Variants in C6orf52 observed in about 807,000 individuals in gnomAD.
C6orf52 encodes the protein chromosome 6 open reading frame 52, also known as putative uncharacterized protein C6orf52.
In C6orf52, 16 loss-of-function variants were observed where a neutral mutation model predicts 16.6. The observed-to-expected ratio is 0.96, with a 90% confidence interval of 0.65 to 1.46. The LOEUF (loss-of-function observed/expected upper bound fraction) is 1.46, where lower values mean the gene tolerates loss of function less well. Ranked by LOEUF, C6orf52 falls within the 40% of genes most tolerant of loss-of-function variation. C6orf52 has a pLI of 0.00. For synonymous variants in C6orf52, 53 were observed against 61.4 expected (o/e 0.86, Z 0.64); for missense variants, 166 against 182.3 (o/e 0.91, Z 0.52).
At chr6:10,678,181 C>CT (rs1160556873) in intron 4 of C6orf52, among the ~76,000 whole-genome samples, 3 of 95,560 alleles carry the variant, frequency 3.1e-5, no homozygotes, top group East Asian at 3.1e-4. Flanking sequence ...GTGAGACTGT[C>CT]TTAAAAAAAA....
chr6:10,671,649 T>C (rs2127457667), intron 4 of C6orf52, 51 bp from the exon 5 acceptor site: 2 of 1,214,056 alleles, frequency 1.6e-6, no homozygotes, highest in Non-Finnish European at 2.3e-6. Flanking sequence ...ACAGGACACA[T>C]ACTAGAAATA....
At chr6:10,676,447 C>A (rs1394624307) in intron 4 of C6orf52, among the ~76,000 whole-genome samples, 1 of 152,164 alleles carries the variant, frequency 6.6e-6, no homozygotes, top group Non-Finnish European at 1.5e-5. Flanking sequence ...CACAGACAAG[C>A]AAGCTAGAAG....
chr6:10,686,989 C>G lies in C6orf52; in HGVS notation c.247G>C (p.Ala83Pro). 6.5e-7 allele frequency: 1 copy of G among 1,549,766 alleles called. No individual in the cohort carries two copies. The highest frequency in any genetic ancestry group is 8.7e-7 in the Non-Finnish European group (1 of 1,146,136). ...FSAHETPEHT[A>P]GTLVMPKETT... is the part of the protein sequence containing the mutation. ...ACCTTAGGCATAACCAGAGTTCCAG[C>G]TGTGTGTTCAGGGGTCTCATGCGCA... Residue 83 changes from alanine to proline, a missense_variant, in exon 3 of 5, where the codon GCT becomes CCT. By Grantham distance (27) the Ala-to-Pro change is conservative (BLOSUM62 -1). Coordinates refer to ENST00000259983, the MANE Select transcript of C6orf52 (RefSeq NM_001145020.3).
At chr6:10,683,286 C>A in intron 3 of C6orf52, 54 bp from the exon 4 acceptor site, 1 of 1,118,316 alleles carries the variant, frequency 8.9e-7, no homozygotes, top group South Asian at 1.4e-5. Context: ...GGTTTAATAT[C>A]AATACATACT....
intron 3 of C6orf52, chr6:10,685,000 G>A (rs191229489): frequency 6.2e-6 from 5 of 803,146 alleles, no homozygotes; most frequent in Admixed American, 8.1e-5. Context: ...TCGGCCTGAG[G>A]GTGAGATAAA....
intron 4 of C6orf52, 32 bp downstream of exon 4, chr6:10,683,155 T>C: frequency 1.4e-6 from 2 of 1,472,840 alleles, no homozygotes; most frequent in Non-Finnish European, 9.2e-7. Context: ...GGGGTTTTGT[T>C]TCCAACCACT....
At chr6:10,694,848 G>A, upstream of C6orf52, 1 of 635,494 alleles carries the variant, frequency 1.6e-6, no homozygotes, top group East Asian at 2.6e-5. Context: ...GCGACTTAAA[G>A]GCAGCCCTGG....
Position 10,683,240 on chromosome 6 carries a change from A to C in C6orf52, c.271-8T>G. ...AGCTAGAGGTGTGGTTTCCTGCAAC[A>C]AAATATTATCTCATGAGAAAATAAT... On this transcript the variant is annotated splice_polypyrimidine_tract_variant and splice_region_variant and intron_variant, in intron 3 of 4. Transcript: ENST00000259983. The C allele has an allele frequency of 6.5e-7, 1 of 1,530,264 alleles. No homozygotes were observed. Among genetic ancestry groups the C allele is most frequent in the Non-Finnish European group, 8.9e-7 (1 of 1,129,308 alleles). 94.8% of individuals were successfully genotyped at this position (1,530,264 alleles called of 1,614,324 possible). A position where few individuals can be genotyped will look rare whatever the true frequency, so the allele number is the denominator to read the frequency against.
intron 3 of C6orf52, 44 bp downstream of exon 3, chr6:10,686,907 GTGATGTTTACTATTA>G: frequency 8.2e-7 from 1 of 1,226,312 alleles, no homozygotes; most frequent in South Asian, 1.5e-5. Flanking sequence ...AGATAGGAAA[GTGATGTTTACTATTA>G]TTGGGCACAC....
In C6orf52 at chr6:10,687,566, A is replaced by C. The variant is rs955189379; in HGVS notation, c.-11-5T>G. On this transcript the variant is annotated splice_polypyrimidine_tract_variant and splice_region_variant and intron_variant, in intron 1 of 4. Coordinates refer to ENST00000259983, the MANE Select transcript of C6orf52 (RefSeq NM_001145020.3). The stretch of plus-strand genomic sequence containing the variant: ...GTTGGGCCATTTACCCAGAAACTTT[A>C]CAAAAAGAGAGCAGAATCCAGTTTT... 4 of 1,535,156 alleles carry C rather than the reference A, an allele frequency of 2.6e-6. No individual in the cohort carries two copies. In the African/African-American group the frequency reaches 5.6e-5, roughly 21 times the overall value.
At chr6:10,692,598 A>G (rs562247008) in intron 1 of C6orf52, among the ~76,000 whole-genome samples, 1 of 151,864 alleles carries the variant, frequency 6.6e-6, no homozygotes, top group African/African-American at 2.4e-5. Context: ...CCACCACCAC[A>G]CCCAGCTAAT....
upstream of C6orf52, chr6:10,694,618 GC>G (rs1389232609): frequency 1.1e-5 from 2 of 190,054 alleles, no homozygotes; most frequent in African/African-American, 4.7e-5. Context: ...CCGGAAGTCG[GC>G]CCCACCTCCT....
At chr6:10,684,503 T>A (rs1768686163) in intron 3 of C6orf52, among the ~76,000 whole-genome samples, 1 of 152,216 alleles carries the variant, frequency 6.6e-6, no homozygotes, top group South Asian at 2.1e-4. Flanking sequence ...GAGCATTCTC[T>A]CTGGTCTGAG....
intron 3 of C6orf52, among the ~76,000 whole-genome samples, 198 bp from the exon 4 acceptor site, chr6:10,683,430 A>C (rs1418918372): frequency 6.6e-6 from 1 of 152,220 alleles, no homozygotes; most frequent in Non-Finnish European, 1.5e-5. Flanking sequence ...TGAAAGAAGT[A>C]AACTGAATCA....
intron 3 of C6orf52, 99 bp downstream of exon 3, chr6:10,686,867 G>A: frequency 2.3e-6 from 2 of 874,880 alleles, no homozygotes; most frequent in Non-Finnish European, 3.5e-6. Context: ...ATGTCTGTGG[G>A]AATTTGGATG....
chr6:10,690,970 C>T (rs548637950), intron 1 of C6orf52, among the ~76,000 whole-genome samples: 2 of 152,324 alleles, frequency 1.3e-5, no homozygotes, highest in South Asian at 2.1e-4. Flanking sequence ...CCTGAAACTA[C>T]TGCCACAGCC....
At chr6:10,687,391 A>T (rs1768947888) in intron 2 of C6orf52, 89 bp downstream of exon 2, 4 of 1,066,856 alleles carry the variant, frequency 3.7e-6, no homozygotes, top group Non-Finnish European at 5.5e-6. Context: ...TTTAAAAAAA[A>T]AAAAGCCATA....
intron 1 of C6orf52, 52 bp from the exon 2 acceptor site, chr6:10,687,613 G>C: frequency 8.9e-7 from 1 of 1,117,788 alleles, no homozygotes; most frequent in Non-Finnish European, 1.3e-6. Context: ...CAAAAATCCA[G>C]CTTGTGGGCT....
At chr6:10,685,053 G>T (rs1561876776) in intron 3 of C6orf52, 4 of 333,268 alleles carry the variant, frequency 1.2e-5, no homozygotes, top group Non-Finnish European at 2.2e-5. Context: ...GGAATTGAGA[G>T]AAGGGGTAGC....
Sources: gnomAD v4.1 joint callset for allele counts (sites outside exome capture counted in the v4.1 genomes callset) on GRCh38, gnomAD v4.1.1 for gene constraint, MANE v1.5 for transcripts, NCBI Gene and HGNC (gene_info 2026-07-23, HGNC 2026-07-21) for gene names.